The following TAC3 variants were observed in gnomAD, a reference collection of about 807,000 sequenced individuals.
TAC3 encodes the protein tachykinin-3.
TAC3 carries 9 observed loss-of-function variants against 16.5 expected under a neutral mutation model. That is an observed-to-expected ratio of 0.55 (90% CI 0.33 to 0.95). The LOEUF is 0.95. Ranked by LOEUF, TAC3 falls within the 40% of genes least tolerant of loss-of-function variation. TAC3 has a pLI of 0.03. For synonymous variants in TAC3, 52 were observed against 56.7 expected, an observed-to-expected ratio of 0.92 and a Z score of 0.37; for missense variants, 129 against 149.1, an observed-to-expected ratio of 0.87 and a Z score of 0.70.
intron 2 of TAC3, among the ~76,000 whole-genome samples, chr12:57,014,708 T>TC (rs935970663): frequency 2.6e-5 from 4 of 151,762 alleles, no homozygotes; most frequent in South Asian, 2.1e-4. Context: ...CCTGGGTGTT[T>TC]TTTTTTTTAA....
Position 57,010,313 on chromosome 12 carries a change from C to CA in TAC3, c.*2-26dup, listed in dbSNP as rs201412483. On this transcript the variant is annotated intron_variant, in intron 6 of 6. Transcript: ENST00000458521. ...ACTGAGGACAAAAAACAAAACAAAA[C>CA]AAAAAAAAACACTGAAATCACATCT... The CA allele has an allele frequency of 3.1e-3, 1,145 of 372,120 alleles. 3 individuals carry two copies. Among genetic ancestry groups the CA allele is most frequent in the East Asian group, 0.011 (143 of 13,212 alleles). 23.1% of individuals were successfully genotyped at this position (372,120 alleles called of 1,614,324 possible).
At chr12:57,014,832 A>T (rs1956350658) in intron 2 of TAC3, among the ~76,000 whole-genome samples, 1 of 152,116 alleles carries the variant, frequency 6.6e-6, no homozygotes, top group Non-Finnish European at 1.5e-5. Context: ...CAAATTGTTG[A>T]ATACTCTGCC....
intron 6 of TAC3, 27 bp downstream of exon 6, chr12:57,012,351 C>A: frequency 1.3e-6 from 2 of 1,594,778 alleles, no homozygotes; most frequent in Non-Finnish European, 1.7e-6. Flanking sequence ...CCAGTCCCCT[C>A]TCCCCTCTCT....
intron 3 of TAC3, 57 bp downstream of exon 3, chr12:57,013,521 C>A (rs1956331004): frequency 4.4e-6 from 7 of 1,594,504 alleles, no homozygotes; most frequent in Non-Finnish European, 6.0e-6. Flanking sequence ...ATCTCCCAGG[C>A]CTCTTATCTT....
At chr12:57,012,294 G>T in intron 6 of TAC3, 84 bp downstream of exon 6, 1 of 1,269,990 alleles carries the variant, frequency 7.9e-7, no homozygotes, top group South Asian at 1.3e-5. Flanking sequence ...TTTAATACCT[G>T]TAGCATGGGA....
rs1320758682 is a variant in TAC3, at chr12:57,011,379, C to T, written c.*1+999G>A. Among the ~76,000 whole-genome samples, 13 of 152,186 alleles carry T rather than the reference C, an allele frequency of 8.5e-5. No individual in the cohort carries two copies. The East Asian group carries it at 1.7e-3, about 20-fold the overall frequency. ...CTCCCTCTCCTTTTCACTCCCTCCACCCCAATTCTTTGGAAGCTAGTGAAA... is the reference window on the plus strand; with the variant it reads ...CTCCCTCTCCTTTTCACTCCCTCCATCCCAATTCTTTGGAAGCTAGTGAAA... On this transcript the variant is annotated intron_variant, in intron 6 of 6. Coordinates refer to ENST00000458521, the MANE Select transcript of TAC3 (RefSeq NM_013251.4).
At chr12:57,013,715 G>A (rs377112805) in intron 2 of TAC3, 44 bp from the exon 3 acceptor site, 112 of 1,463,456 alleles carry the variant, frequency 7.7e-5, no homozygotes, top group Admixed American at 1.1e-4. Context: ...GCTCCCACCC[G>A]GATCCACTCA....
intron 6 of TAC3, among the ~76,000 whole-genome samples, chr12:57,011,234 T>C (rs1232784280): frequency 1.3e-5 from 2 of 152,168 alleles, no homozygotes; most frequent in African/African-American, 4.8e-5. Context: ...ACAGGCAGCA[T>C]CATCAAGCAC....
Position 57,013,665 on chromosome 12 carries a change from G to T in TAC3, c.121C>A (p.Pro41Thr). 1.2e-6 allele frequency: 2 copies of T among 1,612,098 alleles called. No homozygotes were observed. The highest frequency in any genetic ancestry group is 1.7e-6 in the Non-Finnish European group (2 of 1,179,318). ...CTCTGGAGCAGCTGGTAGAGATCTG[G>T]ATCCCTCTAGGGAAGAAACAAAGAG... ...VPGGGRSKRDPDLYQLLQRLF... is the reference protein window; with the variant it reads ...VPGGGRSKRDTDLYQLLQRLF... Residue 41 changes from proline (P) to threonine (T), a missense_variant, in exon 3 of 7, where the codon CCA becomes ACA. By Grantham distance (38) the Pro-to-Thr change is conservative (BLOSUM62 -1). Transcript: ENST00000458521.
In TAC3 at chr12:57,013,232, A is replaced by C. The variant is rs1026188008; in HGVS notation, c.238+127T>G. The stretch of plus-strand genomic sequence containing the variant: ...TCTCCCTTTCAGGAAAGGTTGGCTG[A>C]GCAGTGGGAGCTGGCATATTGTTTG... On this transcript the variant is annotated intron_variant, in intron 4 of 6. Transcript: ENST00000458521. The C allele has an allele frequency of 6.5e-6, 8 of 1,231,128 alleles. No individual in the cohort carries two copies. In the African/African-American group the frequency reaches 8.9e-5, roughly 14 times the overall value. 76.3% of individuals were successfully genotyped at this position (1,231,128 alleles called of 1,614,324 possible). A position where few individuals can be genotyped will look rare whatever the true frequency, so the allele number is the denominator to read the frequency against.
At chr12:57,011,816 GTTC>G in intron 6 of TAC3, among the ~76,000 whole-genome samples, 1 of 152,236 alleles carries the variant, frequency 6.6e-6, no homozygotes, top group East Asian at 1.9e-4. Context: ...TCAGGCCATT[GTTC>G]TTATTCATTA....
intron 2 of TAC3, 33 bp downstream of exon 2, chr12:57,015,651 G>A (rs1237859944): frequency 1.3e-6 from 2 of 1,589,676 alleles, no homozygotes; most frequent in Admixed American, 1.7e-5. Flanking sequence ...AAGTTCCCGT[G>A]ATGTCCCCAG....
chr12:57,010,592 C>T (rs1956286172), intron 6 of TAC3: 1 of 174,150 alleles, frequency 5.7e-6, no homozygotes, highest in Admixed American at 5.7e-5. Context: ...TTCATGCCAT[C>T]CTAGCACCAC....
chr12:57,015,596 C>G (rs376239345), intron 2 of TAC3, 88 bp downstream of exon 2: 13 of 1,202,644 alleles, frequency 1.1e-5, no homozygotes, highest in South Asian at 9.7e-5. Flanking sequence ...GACAACCCCC[C>G]CACCCCAGTT....
chr12:57,012,532 C>T (rs1051524437), intron 5 of TAC3, 80 bp from the exon 6 acceptor site: 17 of 1,603,232 alleles, frequency 1.1e-5, no homozygotes, highest in Admixed American at 3.4e-5. Context: ...AAAGGGCTGG[C>T]TATGACGGGC....
chr12:57,011,071 C>T (rs1012811919), intron 6 of TAC3, among the ~76,000 whole-genome samples: 5 of 152,150 alleles, frequency 3.3e-5, no homozygotes, highest in African/African-American at 1.2e-4. Context: ...ATTATCTGGC[C>T]GTCGGCAGGA....
Position 57,013,660 on chromosome 12 carries a change from A to C in TAC3, c.126T>G (p.Asp42Glu). The C allele has an allele frequency of 6.2e-7, 1 of 1,612,682 alleles. No homozygotes were observed. The highest frequency in any genetic ancestry group is 1.1e-5 in the South Asian group (1 of 90,510). Residue 42 changes from aspartate to glutamate, a missense_variant, in exon 3 of 7, where the codon GAT (aspartate) becomes GAG (glutamate). Transcript: ENST00000458521. ...AGAGTCTCTGGAGCAGCTGGTAGAG[A>C]TCTGGATCCCTCTAGGGAAGAAACA... ...PGGGRSKRDP[D>E]LYQLLQRLFK... is the part of the protein sequence containing the mutation.
intron 2 of TAC3, 78 bp from the exon 3 acceptor site, chr12:57,013,749 T>C: frequency 8.3e-7 from 1 of 1,198,110 alleles, no homozygotes; most frequent in Non-Finnish European, 1.2e-6. Flanking sequence ...AGAAACAGCC[T>C]CTTCCTGAGC....
intron 6 of TAC3, chr12:57,012,135 C>G: frequency 1.8e-6 from 1 of 545,500 alleles, no homozygotes; most frequent in South Asian, 2.0e-5. Flanking sequence ...AACACTCACT[C>G]CTGCTCAATA....
Sources: allele counts gnomAD v4.1 joint callset (sites outside exome capture counted in the v4.1 genomes callset), GRCh38; gene constraint gnomAD v4.1.1; transcripts MANE v1.5; gene names NCBI Gene and HGNC (gene_info 2026-07-23, HGNC 2026-07-21).